Variants in NCALD observed in about 807,000 individuals in gnomAD.
NCALD encodes neurocalcin-delta.
In NCALD, 10 loss-of-function variants were observed where a neutral mutation model predicts 18.6. The observed-to-expected ratio is 0.54, with a 90% CI of 0.33 to 0.91. NCALD has a LOEUF of 0.91. Among genes scored for constraint, NCALD ranks in the 40% least tolerant of loss-of-function variants. The pLI is 0.03. For synonymous variants in NCALD, 88 were observed against 87.4 expected (o/e 1.01, Z -0.04); for missense variants, 184 against 247.6 (o/e 0.74, Z 1.72).
chr8:101,859,339 T>G (rs1815446150), intron 4 of NCALD, among the ~76,000 whole-genome samples: 1 of 152,208 alleles, frequency 6.6e-6, no homozygotes, highest in African/African-American at 2.4e-5. Context: ...TTTAAGGTTT[T>G]GGGATTTGGA....
intron 1 of NCALD, among the ~76,000 whole-genome samples, chr8:102,046,694 G>A (rs1483792483): frequency 2.0e-5 from 3 of 151,776 alleles, no homozygotes; most frequent in Admixed American, 2.0e-4. Context: ...TTGTAGAGAT[G>A]CGGTTTGCCA....
intron 1 of NCALD, among the ~76,000 whole-genome samples, chr8:101,730,818 G>A (rs1042388055): frequency 3.3e-5 from 5 of 152,174 alleles, no homozygotes; most frequent in African/African-American, 1.2e-4. Flanking sequence ...GGTTCTTCAT[G>A]TCATTGGCAA....
intron 4 of NCALD, among the ~76,000 whole-genome samples, chr8:101,804,590 T>G (rs1359115470): frequency 1.5e-5 from 2 of 131,062 alleles, no homozygotes; most frequent in East Asian, 4.1e-4. Context: ...AATTATATAA[T>G]ATATAATTAA....
chr8:101,772,949 G>A (rs1021654339), intron 1 of NCALD, among the ~76,000 whole-genome samples: 15 of 152,144 alleles, frequency 9.9e-5, no homozygotes, highest in African/African-American at 3.6e-4. Context: ...GTAGACCCTA[G>A]TATATTATAT....
intron 1 of NCALD, among the ~76,000 whole-genome samples, chr8:102,107,195 C>A (rs372836380): frequency 1.1e-5 from 1 of 89,302 alleles, no homozygotes; most frequent in African/African-American, 4.3e-5. Flanking sequence ...TATGTGTGTA[C>A]ATATATATAT....
rs139701479 is a variant in NCALD, at chr8:101,945,065, T to G, written c.-156-29207A>C. 9.2e-5 allele frequency among the ~76,000 whole-genome samples: 14 copies of G among 152,324 alleles called. No individual in the cohort carries two copies. The East Asian group carries it at 2.5e-3, about 27-fold the overall frequency. ...ATGTTCGTGTCCTACGTGACATCTG[T>G]TAAGAGGCCTTCTTATTCTTCTTGT... On this transcript the variant is annotated intron_variant, in intron 2 of 6. Coordinates refer to the NCALD transcript ENST00000311028.
chr8:102,018,405 C>G (rs1822161504), intron 2 of NCALD, among the ~76,000 whole-genome samples: 1 of 152,136 alleles, frequency 6.6e-6, no homozygotes, highest in Non-Finnish European at 1.5e-5. Context: ...AATTCTTCTA[C>G]TCAACAATAC....
At chr8:101,979,988 T>C (rs1165015177) in intron 2 of NCALD, among the ~76,000 whole-genome samples, 3 of 151,834 alleles carry the variant, frequency 2.0e-5, no homozygotes, top group African/African-American at 7.3e-5. Flanking sequence ...GATAGGGTGG[T>C]GGTGGTCCTG....
chr8:101,909,510 C>T (rs1259215117), intron 3 of NCALD, among the ~76,000 whole-genome samples: 1 of 152,116 alleles, frequency 6.6e-6, no homozygotes, highest in Admixed American at 6.6e-5. Flanking sequence ...TTACTGATGG[C>T]GCAAGTGTCA....
At chr8:101,824,474 ATTTTAT>A (rs1453814316) in intron 4 of NCALD, among the ~76,000 whole-genome samples, 1 of 151,390 alleles carries the variant, frequency 6.6e-6, no homozygotes, top group African/African-American at 2.4e-5. Flanking sequence ...TTTAAATTTT[ATTTTAT>A]TTTTTTTTTT....
chr8:101,708,949 T>A lies in NCALD; in HGVS notation c.378+10303A>T, dbSNP rs76173349. Among the ~76,000 whole-genome samples, 1,116 of 152,240 alleles carry A rather than the reference T, an allele frequency of 7.3e-3. 7 individuals carry two copies. Among genetic ancestry groups the A allele is most frequent in the Non-Finnish European group, 0.011 (745 of 68,018 alleles). On this transcript the variant is annotated intron_variant, in intron 2 of 3. Transcript: ENST00000220931. ...GAAATTTTAAAAAGGAGAGGAAATA[T>A]CAATCTGCTTTGTCCAAGATGGCTA...
intron 4 of NCALD, among the ~76,000 whole-genome samples, chr8:101,877,160 T>C (rs1178424406): frequency 6.6e-6 from 1 of 152,228 alleles, no homozygotes; most frequent in African/African-American, 2.4e-5. Context: ...AGTTAAAGAT[T>C]TGAAGTAAAA....
chr8:101,878,920 T>C (rs1192386233), intron 4 of NCALD, among the ~76,000 whole-genome samples: 1 of 152,182 alleles, frequency 6.6e-6, no homozygotes, highest in Non-Finnish European at 1.5e-5. Context: ...AAAGCAGCCC[T>C]AGGTTCTGTC....
At chr8:101,969,026 C>T (rs1490350545) in intron 2 of NCALD, among the ~76,000 whole-genome samples, 3 of 152,132 alleles carry the variant, frequency 2.0e-5, no homozygotes, top group Non-Finnish European at 4.4e-5. Context: ...CAGGTTGGAG[C>T]TTTCATTGGT....
rs1017808344 is a variant in NCALD, at chr8:102,059,472, G to A, written c.-209-39183C>T. On this transcript the variant is annotated intron_variant, in intron 1 of 6. Transcript: ENST00000311028. ...CTGATATTTGAACGAACAAATGGAT[G>A]AAAGGATGTTTATAACACTCCTAGC... Among the ~76,000 whole-genome samples the A allele has an allele frequency of 8.5e-5, 13 of 152,230 alleles. 1 individual carries two copies. Among genetic ancestry groups the A allele is most frequent in the Admixed American group, 7.9e-4 (12 of 15,284 alleles).
intron 2 of NCALD, chr8:101,915,874 C>A (rs1185011973): frequency 1.3e-5 from 2 of 152,108 alleles, no homozygotes; most frequent in Non-Finnish European, 2.9e-5. Flanking sequence ...AGAAAACATG[C>A]AAAACAATAA....
intron 1 of NCALD, among the ~76,000 whole-genome samples, chr8:102,023,573 A>T (rs192013754): frequency 2.0e-5 from 3 of 152,324 alleles, no homozygotes. Context: ...CCTTGACCAA[A>T]TTGTGTAAAC....
chr8:101,906,847 T>C (rs1352378228), intron 3 of NCALD, among the ~76,000 whole-genome samples: 1 of 152,232 alleles, frequency 6.6e-6, no homozygotes, highest in African/African-American at 2.4e-5. Context: ...AGCCCACTTT[T>C]AGGCGCAAGA....
At chr8:102,098,052 A>G (rs1464997140) in intron 1 of NCALD, among the ~76,000 whole-genome samples, 1 of 152,184 alleles carries the variant, frequency 6.6e-6, no homozygotes, top group Admixed American at 6.5e-5. Context: ...CAGTAAAATA[A>G]GTATAGTCTG....
Sources: gnomAD v4.1 joint callset for allele counts (sites outside exome capture counted in the v4.1 genomes callset) on GRCh38, gnomAD v4.1.1 for gene constraint, MANE v1.5 for transcripts, NCBI Gene and HGNC (gene_info 2026-07-23, HGNC 2026-07-21) for gene names.